KIF27: variants seen among roughly 807,000 people sequenced by gnomAD.
The protein encoded by KIF27 is kinesin family member 27, also known as kinesin-like protein KIF27.
KIF27 carries 84 observed loss-of-function variants against 141.8 expected under a neutral mutation model. The observed-to-expected ratio is 0.59, with a 90% CI of 0.50 to 0.71. The LOEUF (loss-of-function observed/expected upper bound fraction) is 0.71, where lower values mean the gene tolerates loss of function less well. KIF27 is among the 30% of genes least tolerant of loss of function. The probability of loss-of-function intolerance (pLI) is 0.00; values close to 1 mark genes in which losing one functional copy is unlikely to be tolerated. For missense variants in KIF27, 1,306 were observed against 1,628.4 expected (o/e 0.80, Z 3.41); for synonymous variants, 471 against 569.5 (o/e 0.83, Z 2.46).
intron 11 of KIF27, among the ~76,000 whole-genome samples, chr9:83,879,086 G>C (rs1951461488): frequency 6.6e-6 from 1 of 150,842 alleles, no homozygotes; most frequent in Non-Finnish European, 1.5e-5. Flanking sequence ...GCTGAGGCAG[G>C]AGAATCACTT....
chr9:83,901,817 G>T (rs1408195095), intron 4 of KIF27, among the ~76,000 whole-genome samples: 1 of 151,640 alleles, frequency 6.6e-6, no homozygotes, highest in African/African-American at 2.4e-5. Context: ...AGGTTGCAGT[G>T]AGCCAAGATC....
intron 2 of KIF27, among the ~76,000 whole-genome samples, chr9:83,911,135 T>C (rs1478446213): frequency 6.6e-6 from 1 of 151,994 alleles, no homozygotes; most frequent in Non-Finnish European, 1.5e-5. Flanking sequence ...GGCACAATCA[T>C]GGCTCACTAC....
At chr9:83,896,421 T>A (rs1437053050) in intron 5 of KIF27, among the ~76,000 whole-genome samples, 2 of 152,190 alleles carry the variant, frequency 1.3e-5, no homozygotes, top group African/African-American at 4.8e-5. Flanking sequence ...CAGTTCCACA[T>A]ACCAACAATT....
intron 15 of KIF27, among the ~76,000 whole-genome samples, chr9:83,853,140 A>C (rs1346613528): frequency 6.6e-6 from 1 of 152,194 alleles, no homozygotes; most frequent in Non-Finnish European, 1.5e-5. Flanking sequence ...ATTTAAGCAC[A>C]TTCAGGTTAA....
chr9:83,884,025 C>T lies in KIF27; in HGVS notation c.2240-7G>A, dbSNP rs180898973. On this transcript the variant is annotated splice_polypyrimidine_tract_variant and splice_region_variant and intron_variant, in intron 9 of 17. Coordinates refer to ENST00000297814, the MANE Select transcript of KIF27 (RefSeq NM_017576.4). ...ACAGACTTGGCATCATTACCTTAACCGTAATAATAATTATTATTAGTATAA... is the reference window on the plus strand; with the variant it reads ...ACAGACTTGGCATCATTACCTTAACTGTAATAATAATTATTATTAGTATAA... 251 of 1,530,224 alleles carry T rather than the reference C, an allele frequency of 1.6e-4. No individual in the cohort carries two copies. In the African/African-American group the frequency reaches 2.4e-3, roughly 15 times the overall value. 94.8% of individuals were successfully genotyped at this position (1,530,224 alleles called of 1,614,324 possible). A position where few individuals can be genotyped will look rare whatever the true frequency, so the allele number is the denominator to read the frequency against.
intron 14 of KIF27, among the ~76,000 whole-genome samples, chr9:83,857,095 A>G (rs1388167810): frequency 2.0e-5 from 3 of 151,246 alleles, no homozygotes; most frequent in Non-Finnish European, 4.4e-5. Flanking sequence ...AAAAAAAAAA[A>G]GCGGTGTGAC....
Position 83,850,830 on chromosome 9 carries a change from C to CT in KIF27, c.3358-534dup, listed in dbSNP as rs202212264. 7.0e-3 allele frequency among the ~76,000 whole-genome samples: 470 copies of CT among 67,540 alleles called. 73 individuals carry two copies. Among genetic ancestry groups the CT allele is most frequent in the Non-Finnish European group, 9.9e-3 (345 of 34,888 alleles). The allele number at this position is 67,540 out of a possible 152,430, so 44.3% of individuals were successfully genotyped here. A position where few individuals can be genotyped will look rare whatever the true frequency, so the allele number is the denominator to read the frequency against. On this transcript the variant is annotated intron_variant, in intron 15 of 17. Coordinates refer to ENST00000297814, the MANE Select transcript of KIF27 (RefSeq NM_017576.4). ...TGGAATTCTGAATTGATGACATTTT[C>CT]TTTTTTTTTTTTTTTTTTTTTTTTT...
intron 3 of KIF27, among the ~76,000 whole-genome samples, chr9:83,904,936 G>A (rs971578400): frequency 4.0e-5 from 6 of 151,452 alleles, no homozygotes; most frequent in Admixed American, 3.9e-4. Flanking sequence ...TTAAAAACAG[G>A]TATCTGTTTA....
rs981099557 is a variant in KIF27 at position 83,836,272 on chromosome 9, C to T, written c.*729G>A. ...TGCTTTAGTTTTATTCTATAATTTC[C>T]GTGTTCCATGGAACAGCATTCATTT... On this transcript the variant is annotated 3_prime_UTR_variant, in exon 18 of 18. Coordinates refer to ENST00000297814, the MANE Select transcript of KIF27 (RefSeq NM_017576.4). Among the ~76,000 whole-genome samples, 5 of 152,000 alleles carry T rather than the reference C, an allele frequency of 3.3e-5. No homozygotes were observed. Among genetic ancestry groups the T allele is most frequent in the African/African-American group, 9.7e-5 (4 of 41,386 alleles).
chr9:83,901,376 T>C (rs1953872362), intron 4 of KIF27, among the ~76,000 whole-genome samples: 1 of 152,184 alleles, frequency 6.6e-6, no homozygotes, highest in Non-Finnish European at 1.5e-5. Flanking sequence ...AAGAAGAACA[T>C]CCACAATTAT....
chr9:83,842,132 T>C, intron 17 of KIF27, 105 bp downstream of exon 17: 1 of 1,308,466 alleles, frequency 7.6e-7, no homozygotes. Flanking sequence ...AAGTATCTAA[T>C]CCTAAATAAC....
At chr9:83,906,744 C>CAAAAAA (rs565683124) in intron 3 of KIF27, among the ~76,000 whole-genome samples, 2 of 50,006 alleles carry the variant, frequency 4.0e-5, no homozygotes, top group East Asian at 6.2e-4. Context: ...ACCCTGTCTC[C>CAAAAAA]AAAAAAAAAA....
intron 16 of KIF27, among the ~76,000 whole-genome samples, chr9:83,848,478 A>C: frequency 6.9e-6 from 1 of 144,046 alleles, no homozygotes; most frequent in African/African-American, 2.5e-5. Flanking sequence ...ATGTATATAT[A>C]CATATAGATA....
intron 11 of KIF27, among the ~76,000 whole-genome samples, chr9:83,872,344 A>G (rs1487633557): frequency 6.6e-6 from 1 of 151,968 alleles, no homozygotes; most frequent in African/African-American, 2.4e-5. Context: ...AAAAGGCGCA[A>G]TGTTCATGGT....
intron 3 of KIF27, among the ~76,000 whole-genome samples, 187 bp from the exon 4 acceptor site, chr9:83,904,205 T>C (rs1478035572): frequency 6.6e-6 from 1 of 152,206 alleles, no homozygotes; most frequent in African/African-American, 2.4e-5. Context: ...AAAGAAACTA[T>C]TTTAACAGAC....
chr9:83,911,250 G>A (rs2132723053), intron 2 of KIF27, among the ~76,000 whole-genome samples: 1 of 152,104 alleles, frequency 6.6e-6, no homozygotes, highest in Non-Finnish European at 1.5e-5. Flanking sequence ...TGTTGCTTTT[G>A]TAGAGACAAG....
At chr9:83,916,730 C>T (rs1554688798) in intron 1 of KIF27, among the ~76,000 whole-genome samples, 2 of 145,136 alleles carry the variant, frequency 1.4e-5, no homozygotes, top group Non-Finnish European at 3.0e-5. Context: ...GTGGCGCGAT[C>T]TGGGCTCACT....
intron 3 of KIF27, among the ~76,000 whole-genome samples, chr9:83,907,470 G>A (rs1460737110): frequency 6.6e-6 from 1 of 151,924 alleles, no homozygotes; most frequent in Non-Finnish European, 1.5e-5. Flanking sequence ...AATACTCTAT[G>A]ATGAACATGT....
intron 5 of KIF27, among the ~76,000 whole-genome samples, chr9:83,896,619 C>A (rs1211813137): frequency 1.2e-4 from 18 of 152,138 alleles, no homozygotes; most frequent in African/African-American, 4.3e-4. Context: ...GATTAGGAGA[C>A]TCAATCAAAA....
Sources: gnomAD v4.1 joint callset for allele counts (sites outside exome capture counted in the v4.1 genomes callset) on GRCh38, gnomAD v4.1.1 for gene constraint, MANE v1.5 for transcripts, NCBI Gene and HGNC (gene_info 2026-07-23, HGNC 2026-07-21) for gene names.